NHSL1: variants seen among roughly 807,000 people sequenced by gnomAD.
NHSL1 encodes NHS-like protein 1.
NHSL1 carries 48 observed loss-of-function variants against 95.0 expected under a neutral mutation model. The ratio of observed to expected loss-of-function variants is 0.51; its 90% confidence interval spans 0.40 to 0.64. The LOEUF (loss-of-function observed/expected upper bound fraction) is 0.64, where lower values mean the gene tolerates loss of function less well. Ranked by LOEUF, NHSL1 falls within the 30% of genes least tolerant of loss-of-function variation. NHSL1 has a pLI of 0.00. For missense variants in NHSL1, 1,971 were observed against 2,077.7 expected, an observed-to-expected ratio of 0.95 and a Z score of 1.00; for synonymous variants, 783 against 833.9, an observed-to-expected ratio of 0.94 and a Z score of 1.05.
chr6:138,437,053 C>T (rs1187649957), intron 5 of NHSL1, among the ~76,000 whole-genome samples: 1 of 152,014 alleles, frequency 6.6e-6, no homozygotes, highest in Admixed American at 6.6e-5. Context: ...AGGCAGATCA[C>T]CTGAGGTCAG....
intron 1 of NHSL1, among the ~76,000 whole-genome samples, chr6:138,523,626 G>GTAAA (rs1781773441): frequency 2.3e-5 from 1 of 43,126 alleles, no homozygotes; most frequent in Non-Finnish European, 5.0e-5. Context: ...GTTTTAAAGA[G>GTAAA]GAAAAAAAAA....
At chr6:138,687,324 G>A (rs1167732081) in intron 1 of NHSL1, among the ~76,000 whole-genome samples, 2 of 151,912 alleles carry the variant, frequency 1.3e-5, no homozygotes, top group African/African-American at 4.8e-5. Flanking sequence ...TGAACACTCT[G>A]TCTTTAGAAC....
At chr6:138,441,698 C>T (rs867235386) in intron 5 of NHSL1, among the ~76,000 whole-genome samples, 50 of 152,302 alleles carry the variant, frequency 3.3e-4, no homozygotes, top group Non-Finnish European at 5.7e-4. Flanking sequence ...TGTTCCATGT[C>T]ACATAACAAT....
intron 1 of NHSL1, among the ~76,000 whole-genome samples, chr6:138,675,514 A>G (rs1174164989): frequency 6.6e-6 from 1 of 151,962 alleles, no homozygotes; most frequent in Non-Finnish European, 1.5e-5. Context: ...TTCCCACAGA[A>G]AATTCTTACA....
At chr6:138,452,228 C>T (rs1332206950) in intron 3 of NHSL1, among the ~76,000 whole-genome samples, 2 of 152,146 alleles carry the variant, frequency 1.3e-5, no homozygotes, top group Admixed American at 6.5e-5. Flanking sequence ...AAACAGGCAA[C>T]ACTGACAGTT....
At chr6:138,553,097 TA>T (rs903631264) in intron 1 of NHSL1, among the ~76,000 whole-genome samples, 12 of 152,326 alleles carry the variant, frequency 7.9e-5, no homozygotes, top group African/African-American at 2.9e-4. Context: ...TCTACTTATG[TA>T]AAAAACACAA....
chr6:138,585,685 C>T (rs1401890867), intron 1 of NHSL1, among the ~76,000 whole-genome samples: 1 of 151,774 alleles, frequency 6.6e-6, no homozygotes, highest in Non-Finnish European at 1.5e-5. Flanking sequence ...TGAATCGCTC[C>T]ATAAAATACA....
At chr6:138,503,546 C>T (rs1357075051), upstream of NHSL1, among the ~76,000 whole-genome samples, 3 of 152,108 alleles carry the variant, frequency 2.0e-5, no homozygotes, top group African/African-American at 7.2e-5. Flanking sequence ...CCCATTTGTT[C>T]AAATATTAGT....
intron 4 of NHSL1, among the ~76,000 whole-genome samples, chr6:138,444,272 TAA>T (rs760962634): frequency 2.9e-5 from 4 of 139,986 alleles, no homozygotes; most frequent in Admixed American, 1.4e-4. Flanking sequence ...TCTTTTAAAT[TAA>T]AAAAAAAAAA....
chr6:138,544,090 T>C (rs7747277), intron 1 of NHSL1, among the ~76,000 whole-genome samples: 11,445 of 152,270 alleles, frequency 0.075, 468 homozygotes, highest in East Asian at 0.14. Context: ...GCAGATGTCC[T>C]ACCCAGTAAC....
intron 3 of NHSL1, chr6:138,464,141 C>T: frequency 1.7e-6 from 1 of 576,824 alleles, no homozygotes; most frequent in Non-Finnish European, 3.1e-6. Flanking sequence ...CTCGATCTCA[C>T]TCCGTTGTTT....
At chr6:138,496,153 T>C (rs897148212) in intron 2 of NHSL1, 66 bp downstream of exon 2, 11 of 1,466,972 alleles carry the variant, frequency 7.5e-6, no homozygotes, top group Non-Finnish European at 1.0e-5. Context: ...TATAAATAGA[T>C]ATCAAATTTA....
At chr6:138,468,887 C>G (rs55942880) in intron 3 of NHSL1, among the ~76,000 whole-genome samples, 31,909 of 152,224 alleles carry the variant, frequency 0.21, 4,176 homozygotes, top group African/African-American at 0.37. Context: ...AATCAAAGCT[C>G]CATCAAAGAC....
intron 1 of NHSL1, among the ~76,000 whole-genome samples, chr6:138,553,658 A>G (rs532226932): frequency 6.6e-6 from 1 of 152,366 alleles, no homozygotes; most frequent in South Asian, 2.1e-4. Flanking sequence ...ATAGATTCCT[A>G]TGAAAAGTCA....
At chr6:138,634,267 T>G (rs181486604) in intron 1 of NHSL1, among the ~76,000 whole-genome samples, 7 of 151,080 alleles carry the variant, frequency 4.6e-5, no homozygotes, top group African/African-American at 1.7e-4. Context: ...CAGAGAGCAG[T>G]TGAATGGATA....
chr6:138,672,091 A>C (rs1785380204), intron 1 of NHSL1, among the ~76,000 whole-genome samples: 2 of 152,210 alleles, frequency 1.3e-5, no homozygotes, highest in African/African-American at 4.8e-5. Flanking sequence ...AAATCAGCTA[A>C]AATTTCTGAA....
At chr6:138,447,951 TAG>T (rs2128221176) in intron 3 of NHSL1, among the ~76,000 whole-genome samples, 1 of 152,310 alleles carries the variant, frequency 6.6e-6, no homozygotes, top group Admixed American at 6.5e-5. Context: ...TCAAAAATGA[TAG>T]AGCTATTGTT....
At chr6:138,529,777 C>T (rs1243318429) in intron 1 of NHSL1, among the ~76,000 whole-genome samples, 1 of 152,210 alleles carries the variant, frequency 6.6e-6, no homozygotes, top group Non-Finnish European at 1.5e-5. Context: ...GAGAGCTCTG[C>T]TTTTCAGTGC....
At chr6:138,516,204 G>A (rs1017830740) in intron 1 of NHSL1, among the ~76,000 whole-genome samples, 6 of 152,170 alleles carry the variant, frequency 3.9e-5, no homozygotes, top group African/African-American at 1.4e-4. Context: ...AGCAAGGCAT[G>A]TAGTGATCAT....
Sources: allele counts gnomAD v4.1 joint callset (sites outside exome capture counted in the v4.1 genomes callset), GRCh38; gene constraint gnomAD v4.1.1; transcripts MANE v1.5; gene names NCBI Gene and HGNC (gene_info 2026-07-23, HGNC 2026-07-21).